The following TNRC6B variants were observed in gnomAD, a reference collection of about 807,000 sequenced individuals.
TNRC6B encodes trinucleotide repeat containing adaptor 6B, also known as trinucleotide repeat-containing gene 6B protein.
A neutral mutation model predicts 203.6 loss-of-function variants in TNRC6B; 52 were observed. The observed-to-expected ratio is 0.26, with a 90% confidence interval of 0.20 to 0.32. The LOEUF (loss-of-function observed/expected upper bound fraction) is 0.32, where lower values mean the gene tolerates loss of function less well. Among genes scored for constraint, TNRC6B ranks in the 10% least tolerant of loss-of-function variants. The pLI is 1.00. For missense variants in TNRC6B, 1,923 were observed against 2,286.2 expected, an observed-to-expected ratio of 0.84 and a Z score of 3.24; for synonymous variants, 838 against 845.7, an observed-to-expected ratio of 0.99 and a Z score of 0.16.
At chr22:40,141,527 C>T (rs1315821022) in intron 3 of TNRC6B, among the ~76,000 whole-genome samples, 2 of 151,996 alleles carry the variant, frequency 1.3e-5, no homozygotes, top group Non-Finnish European at 2.9e-5. Flanking sequence ...GGTTGAGGGC[C>T]TCTGTGTAAC....
At chr22:40,235,935 C>G (rs1322681795) in intron 1 of TNRC6B, among the ~76,000 whole-genome samples, 1 of 152,024 alleles carries the variant, frequency 6.6e-6, no homozygotes, top group Non-Finnish European at 1.5e-5. Context: ...AACAGGAGAC[C>G]AAAAGATGAG....
chr22:40,300,786 G>A, intron 13 of TNRC6B, 124 bp from the exon 14 acceptor site: 1 of 1,202,672 alleles, frequency 8.3e-7, no homozygotes, highest in Non-Finnish European at 1.2e-6. Context: ...GGAATTTGGT[G>A]TTACTTCCCT....
Position 40,335,737 on chromosome 22 carries a change from TA to T in TNRC6B, c.*12498del, listed in dbSNP as rs1236961332. ...ATGTGCAACTCAGTTGCTTACATTA[TA>T]ACTACAAAATATTTTTGGGTTCCTG... is the stretch of plus-strand genomic sequence containing the variant. On this transcript the variant is annotated 3_prime_UTR_variant, in exon 23 of 23. Coordinates refer to ENST00000454349, the MANE Select transcript of TNRC6B (RefSeq NM_001162501.2). The T allele has an allele frequency of 1.5e-5, 2 of 129,772 alleles. No homozygotes were observed. Among genetic ancestry groups the T allele is most frequent in the Non-Finnish European group, 3.2e-5 (2 of 61,678 alleles). The allele number at this position is 129,772 out of a possible 1,614,324, so 8.0% of individuals were successfully genotyped here.
chr22:40,306,710 G>C (rs1259632686), intron 15 of TNRC6B, among the ~76,000 whole-genome samples: 1 of 152,164 alleles, frequency 6.6e-6, no homozygotes, highest in Non-Finnish European at 1.5e-5. Context: ...ATAAGGCCAG[G>C]CACGGTGGCT....
chr22:40,291,430 C>T (rs750432979), intron 12 of TNRC6B, among the ~76,000 whole-genome samples: 2 of 152,020 alleles, frequency 1.3e-5, no homozygotes, highest in African/African-American at 4.8e-5. Flanking sequence ...GTTTGGATAG[C>T]GGAGAAACAA....
At chr22:40,076,315 G>T (rs1601801071) in intron 1 of TNRC6B, among the ~76,000 whole-genome samples, 1 of 152,144 alleles carries the variant, frequency 6.6e-6, no homozygotes, top group South Asian at 2.1e-4. Flanking sequence ...TACTCAGGAG[G>T]CTGAGATAGA....
rs571020692 is a variant in TNRC6B at position 40,270,616 on chromosome 22, C to T, written c.2965+336C>T. 3.3e-5 allele frequency among the ~76,000 whole-genome samples: 5 copies of T among 152,148 alleles called. No individual in the cohort carries two copies. In the East Asian group the frequency reaches 9.7e-4, roughly 29 times the overall value. ...TACAGGCGTGAGCCACCGTGCCCGG[C>T]CGGGATTCTTTGTTAAATGTTTGTC... On this transcript the variant is annotated intron_variant, in intron 6 of 22. Coordinates refer to ENST00000454349, the MANE Select transcript of TNRC6B (RefSeq NM_001162501.2).
chr22:40,260,489 G>A (rs6001853), intron 3 of TNRC6B, among the ~76,000 whole-genome samples: 24 of 152,330 alleles, frequency 1.6e-4, no homozygotes, highest in African/African-American at 5.8e-4. Flanking sequence ...CTTGTAGATG[G>A]AGAATTTCGG....
intron 3 of TNRC6B, among the ~76,000 whole-genome samples, chr22:40,251,466 G>GTGCCTGTAAT (rs2070192268): frequency 6.6e-6 from 1 of 152,036 alleles, no homozygotes; most frequent in African/African-American, 2.4e-5. Context: ...GGTGGCTTAC[G>GTGCCTGTAAT]CCTGTAATCC....
chr22:40,261,679 G>A (rs1275422362), intron 3 of TNRC6B, among the ~76,000 whole-genome samples, 153 bp from the exon 4 acceptor site: 1 of 152,066 alleles, frequency 6.6e-6, no homozygotes. Context: ...GGAAAGCCAA[G>A]GTGGGAGAGT....
rs373000776 is a variant in TNRC6B, at chr22:40,265,571, G to A, written c.1341G>A (p.Gly447=). The part of the protein sequence containing the change: ...VSGQSNSGNN[G]NNGKEREDSW... Reference sequence around the variant, plus strand: ...GACAAAGCAATTCTGGAAACAATGGGAACAATGGAAAAGAGAGAGAGGACT... The same window carrying A: ...GACAAAGCAATTCTGGAAACAATGGAAACAATGGAAAAGAGAGAGAGGACT... Residue 447 remains glycine (G), a synonymous_variant, in exon 5 of 23, where the codon GGG becomes GGA. Transcript: ENST00000454349. 9.4e-5 allele frequency: 151 copies of A among 1,613,640 alleles called. No individual in the cohort carries two copies. The African/African-American group carries it at 2.0e-3, about 21-fold the overall frequency.
intron 3 of TNRC6B, among the ~76,000 whole-genome samples, chr22:40,146,088 G>A (rs1353928819): frequency 6.6e-6 from 1 of 152,218 alleles, no homozygotes; most frequent in African/African-American, 2.4e-5. Flanking sequence ...GGAAATAAAT[G>A]CTTAGGGAGT....
At chr22:40,259,060 CT>C (rs1030743474) in intron 3 of TNRC6B, among the ~76,000 whole-genome samples, 1 of 152,156 alleles carries the variant, frequency 6.6e-6, no homozygotes, top group Non-Finnish European at 1.5e-5. Flanking sequence ...CTGCCAACTT[CT>C]TGTTTATTCT....
At chr22:40,296,326 ATTT>A (rs951987835) in intron 12 of TNRC6B, among the ~76,000 whole-genome samples, 3 of 125,452 alleles carry the variant, frequency 2.4e-5, no homozygotes, top group Admixed American at 8.1e-5. Flanking sequence ...AGAATGGTGA[ATTT>A]TTTTTTTTTT....
At chr22:40,085,009 G>A (rs2068089830) in intron 1 of TNRC6B, among the ~76,000 whole-genome samples, 1 of 152,162 alleles carries the variant, frequency 6.6e-6, no homozygotes, top group African/African-American at 2.4e-5. Flanking sequence ...TGTGATTTCT[G>A]TTGTTAGGTC....
chr22:40,253,724 C>G, intron 3 of TNRC6B: 1 of 456,212 alleles, frequency 2.2e-6, no homozygotes, highest in South Asian at 1.5e-5. Flanking sequence ...AGACTGTAAA[C>G]AGAGGGAGGG....
chr22:40,191,749 T>A (rs536723785), intron 1 of TNRC6B, among the ~76,000 whole-genome samples: 1 of 151,958 alleles, frequency 6.6e-6, no homozygotes, highest in Non-Finnish European at 1.5e-5. Context: ...GGCCAGCTTA[T>A]TTATTTATTT....
At chr22:40,138,207 T>A (rs17323591) in intron 3 of TNRC6B, among the ~76,000 whole-genome samples, 34,602 of 152,024 alleles carry the variant, frequency 0.23, 4,273 homozygotes, top group Admixed American at 0.34. Flanking sequence ...AAAGAGTGGG[T>A]TAAATGATGC....
intron 1 of TNRC6B, among the ~76,000 whole-genome samples, chr22:40,221,779 C>T (rs2069713687): frequency 7.2e-6 from 1 of 137,978 alleles, no homozygotes; most frequent in Non-Finnish European, 1.6e-5. Context: ...TTTTTGACTC[C>T]TGTCTACTTT....
Sources: gnomAD v4.1 joint callset for allele counts (sites outside exome capture counted in the v4.1 genomes callset) on GRCh38, gnomAD v4.1.1 for gene constraint, MANE v1.5 for transcripts, NCBI Gene and HGNC (gene_info 2026-07-23, HGNC 2026-07-21) for gene names.